ATP1B4: variants seen among roughly 807,000 people sequenced by gnomAD.
ATP1B4 encodes protein ATP1B4.
Under a neutral mutation model 29.6 loss-of-function variants are expected in ATP1B4, and 32 were observed. The ratio of observed to expected loss-of-function variants is 1.08; its 90% confidence interval spans 0.82 to 1.45. ATP1B4 has a LOEUF of 1.45. ATP1B4 is among the 40% of genes most tolerant of loss of function. The pLI is 0.00. For missense variants in ATP1B4, 323 were observed against 276.2 expected (o/e 1.17, Z -1.20); for synonymous variants, 127 against 102.1 (o/e 1.24, Z -1.47).
In ATP1B4 at chrX:120,373,277, C is replaced by T. The variant is rs781311197; in HGVS notation, c.562+2067C>T. 1.1e-4 allele frequency among the ~76,000 whole-genome samples: 12 copies of T among 112,298 alleles called. No homozygotes were observed. In the South Asian group the frequency reaches 4.1e-3, roughly 38 times the overall value. ...GCCTCTATTTAGAAAGTTATTTGAG[C>T]ATAGTTCTTGCTCTAAAAAAATTAA... On this transcript the variant is annotated intron_variant, in intron 4 of 7. Transcript: ENST00000218008.
intron 1 of ATP1B4, among the ~76,000 whole-genome samples, chrX:120,363,021 C>T (rs1367461252): frequency 8.9e-6 from 1 of 112,320 alleles, no homozygotes; most frequent in Non-Finnish European, 1.9e-5. Context: ...ATTATTTGAT[C>T]CAAAAGTTTA....
chrX:120,371,363 G>A (rs1054078303), intron 4 of ATP1B4, among the ~76,000 whole-genome samples, 153 bp downstream of exon 4: 1 of 111,727 alleles, frequency 9.0e-6, no homozygotes, highest in African/African-American at 3.3e-5. Context: ...AGCACCTGTA[G>A]CTACAATCAG....
chrX:120,376,563 C>T, intron 6 of ATP1B4, 127 bp downstream of exon 6: 1 of 559,954 alleles, frequency 1.8e-6, no homozygotes, highest in Non-Finnish European at 2.9e-6. Context: ...ATAACTACAC[C>T]TCTCTTTAGT....
rs1298175522 is a variant in ATP1B4, at chrX:120,380,289, C to T, written c.*655C>T. 6.3e-5 allele frequency: 7 copies of T among 111,305 alleles called. No individual in the cohort carries two copies. Among genetic ancestry groups the T allele is most frequent in the African/African-American group, 2.3e-4 (7 of 30,565 alleles). The allele number at this position is 111,305 out of a possible 1,213,427, so 9.2% of individuals were successfully genotyped here. A position where few individuals can be genotyped will look rare whatever the true frequency, so the allele number is the denominator to read the frequency against. ...TCACCACTCGGTCCAACCTAGACAACCAAGACCGCTATACCTAAAGACCTC... is the reference window on the plus strand; with the variant it reads ...TCACCACTCGGTCCAACCTAGACAATCAAGACCGCTATACCTAAAGACCTC... On this transcript the variant is annotated 3_prime_UTR_variant, in exon 8 of 8. Coordinates refer to ENST00000218008, the MANE Select transcript of ATP1B4 (RefSeq NM_001142447.3).
chrX:120,379,756 C>A lies in ATP1B4; in HGVS notation c.*122C>A. The A allele has an allele frequency of 1.4e-6, 1 of 728,090 alleles. No individual in the cohort carries two copies. Among genetic ancestry groups the A allele is most frequent in the Non-Finnish European group, 1.9e-6 (1 of 516,306 alleles). 60.0% of individuals were successfully genotyped at this position (728,090 alleles called of 1,213,427 possible). ...CAGATGGACATCTAAGACAGCCGAT[C>A]ATCTTTCCTTGCCTATGACATGTGT... On this transcript the variant is annotated 3_prime_UTR_variant, in exon 8 of 8. Coordinates refer to ENST00000218008, the MANE Select transcript of ATP1B4 (RefSeq NM_001142447.3).
chrX:120,375,311 G>C (rs1487113806), intron 4 of ATP1B4, 61 bp from the exon 5 acceptor site: 11 of 1,031,753 alleles, frequency 1.1e-5, no homozygotes, highest in African/African-American at 1.9e-5. Context: ...ACTACTGAAC[G>C]CACGGCCTTC....
chrX:120,379,400 C>A, intron 7 of ATP1B4, 73 bp from the exon 8 acceptor site: 1 of 999,342 alleles, frequency 1.0e-6, no homozygotes, highest in Non-Finnish European at 1.4e-6. Flanking sequence ...GGTTGTCATC[C>A]TGCAGTGATT....
Position 120,382,639 on chromosome X carries a change from T to C in ATP1B4, c.*3005T>C, listed in dbSNP as rs1163171818. ...GATATCCCAAACATTTTGAAACGTA[T>C]GTAAATTTTGAGTTAAAATAGTTAA... On this transcript the variant is annotated 3_prime_UTR_variant, in exon 8 of 8. Coordinates refer to ENST00000218008, the MANE Select transcript of ATP1B4 (RefSeq NM_001142447.3). The C allele has an allele frequency of 6.2e-5, 7 of 112,445 alleles. No individual in the cohort carries two copies. Among genetic ancestry groups the C allele is most frequent in the Non-Finnish European group, 1.3e-4 (7 of 53,277 alleles). The allele number at this position is 112,445 out of a possible 1,213,427, so 9.3% of individuals were successfully genotyped here.
intron 7 of ATP1B4, among the ~76,000 whole-genome samples, chrX:120,379,147 T>G (rs955259470): frequency 1.8e-5 from 2 of 111,272 alleles, no homozygotes; most frequent in Admixed American, 9.6e-5. Flanking sequence ...AGCGCTGGGG[T>G]GAGTCCCCAA....
Position 120,375,508 on chromosome X carries a change from G to C in ATP1B4, c.699G>C (p.Leu233=). 8.3e-7 allele frequency: 1 copy of C among 1,211,065 alleles called. No homozygotes were observed. The highest frequency in any genetic ancestry group is 1.1e-6 in the Non-Finnish European group (1 of 895,225). ...KRSFLKNCSG[L]EDPTFGYSTG... is the part of the protein sequence containing the mutation. The stretch of plus-strand genomic sequence containing the variant: ...CCTTCCTAAAGAACTGCTCTGGTCT[G>C]GAGGACCCAACTTTTGGATACTCTA... Residue 233 remains leucine, a synonymous_variant, in exon 5 of 8, where the codon CTG becomes CTC. Coordinates refer to ENST00000218008, the MANE Select transcript of ATP1B4 (RefSeq NM_001142447.3).
chrX:120,375,266 C>T, intron 4 of ATP1B4, 106 bp from the exon 5 acceptor site: 1 of 734,741 alleles, frequency 1.4e-6, no homozygotes, highest in South Asian at 2.6e-5. Context: ...CAGAGGAGTA[C>T]AAACAAGCTG....
intron 4 of ATP1B4, among the ~76,000 whole-genome samples, chrX:120,374,762 T>TA (rs756799984): frequency 4.2e-5 from 1 of 23,611 alleles, no homozygotes; most frequent in Non-Finnish European, 8.1e-5. Context: ...TATATATATA[T>TA]TATATATATA....
At position 120,383,197 on chromosome X, in the gene ATP1B4, T is replaced by G. The variant is rs2058388056; in HGVS notation, c.*3563T>G. 8.9e-6 allele frequency: 1 copy of G among 112,298 alleles called. No individual in the cohort carries two copies. Among genetic ancestry groups the G allele is most frequent in the Non-Finnish European group, 1.9e-5 (1 of 53,231 alleles). 9.3% of individuals were successfully genotyped at this position (112,298 alleles called of 1,213,427 possible). On this transcript the variant is annotated 3_prime_UTR_variant, in exon 8 of 8. Coordinates refer to ENST00000218008, the MANE Select transcript of ATP1B4 (RefSeq NM_001142447.3). The stretch of plus-strand genomic sequence containing the variant: ...ATGTAAAAAAACATTTATATTGTCT[T>G]GAGGAGTTGTCAACAACAATAAATT...
chrX:120,366,660 G>T lies in ATP1B4; in HGVS notation c.199G>T (p.Glu67Ter), dbSNP rs2058288035. Residue 67 changes from glutamate to a stop codon, truncating the protein, a stop_gained, in exon 2 of 8, where the codon GAA (glutamate) becomes TAA (stop). Transcript: ENST00000218008. LOFTEE classifies it high-confidence loss of function. ...GGAGAAAGAAGAGGAGGAAGAGGAG[G>T]AAAAGGAGGAGGAAGAGGGTCAAGG... Reference protein sequence around the residue: ...EEEKEEEEEEEKEEEEGQGQP... With the variant: ...EEEKEEEEEE 1.7e-6 allele frequency: 2 copies of T among 1,208,408 alleles called. No homozygotes were observed. The highest frequency in any genetic ancestry group is 2.2e-6 in the Non-Finnish European group (2 of 894,392).
intron 5 of ATP1B4, 25 bp from the exon 6 acceptor site, chrX:120,376,355 T>A (rs2058355293): frequency 8.4e-7 from 1 of 1,196,651 alleles, no homozygotes; most frequent in Non-Finnish European, 1.1e-6. Context: ...TAAAAAAAAA[T>A]AAAACACTGG....
At chrX:120,375,590 G>A in intron 5 of ATP1B4, 22 bp downstream of exon 5, 1 of 1,171,257 alleles carries the variant, frequency 8.5e-7, no homozygotes, top group Non-Finnish European at 1.2e-6. Flanking sequence ...TTTCATATCT[G>A]GTGGTGATAA....
chrX:120,376,306 T>G (rs1214903114), intron 5 of ATP1B4, 74 bp from the exon 6 acceptor site: 2 of 1,028,714 alleles, frequency 1.9e-6, no homozygotes, highest in Admixed American at 2.3e-5. Flanking sequence ...GGGAGGAAGG[T>G]TAGAAAAGCC....
chrX:120,369,542 G>T (rs2058302633), intron 2 of ATP1B4, among the ~76,000 whole-genome samples: 1 of 111,977 alleles, frequency 8.9e-6, no homozygotes. Flanking sequence ...CAAATCTGTA[G>T]GTCCAACATC....
chrX:120,367,858 C>T (rs2058293563), intron 2 of ATP1B4, among the ~76,000 whole-genome samples: 1 of 111,350 alleles, frequency 9.0e-6, no homozygotes, highest in African/African-American at 3.3e-5. Context: ...TTCACCCCTC[C>T]CCAATTCCCA....
Sources: gnomAD v4.1 joint callset for allele counts (sites outside exome capture counted in the v4.1 genomes callset) on GRCh38, gnomAD v4.1.1 for gene constraint, MANE v1.5 for transcripts, NCBI Gene and HGNC (gene_info 2026-07-23, HGNC 2026-07-21) for gene names.